Variants in MS4A6A observed in about 807,000 individuals in gnomAD.
MS4A6A encodes the protein membrane-spanning 4-domains subfamily A member 6A.
A neutral mutation model predicts 20.6 loss-of-function variants in MS4A6A; 19 were observed. That is an observed-to-expected ratio of 0.92 (90% CI 0.64 to 1.36). The LOEUF is 1.36. Among genes scored for constraint, MS4A6A ranks in the 40% most tolerant of loss-of-function variants. MS4A6A has a pLI of 0.00. For synonymous variants in MS4A6A, 108 were observed against 105.0 expected (o/e 1.03, Z -0.17); for missense variants, 272 against 261.1 (o/e 1.04, Z -0.29).
Position 60,172,703 on chromosome 11 carries a change from T to C in MS4A6A, c.*298A>G. 1 of 1,209,380 alleles carries C rather than the reference T, an allele frequency of 8.3e-7. No homozygotes were observed. 74.9% of individuals were successfully genotyped at this position (1,209,380 alleles called of 1,614,324 possible). On this transcript the variant is annotated 3_prime_UTR_variant, in exon 6 of 6. Coordinates refer to ENST00000528851, the MANE Select transcript of MS4A6A (RefSeq NM_022349.4). ...GGAGGCAAGCCAGGTTCTAGTGTCC[T>C]CAGCAAAGGCACAAACTCATAGCAT...
At chr11:60,183,273 G>C, upstream of MS4A6A, 8 of 1,173,526 alleles carry the variant, frequency 6.8e-6, 1 homozygote, top group Middle Eastern at 1.9e-4. Context: ...TTGCCACTTC[G>C]AGACATACAA....
At position 60,176,455 on chromosome 11, in the gene MS4A6A, A is replaced by G. The variant is rs1856840592; in HGVS notation, c.340-844T>C. Among the ~76,000 whole-genome samples the G allele has an allele frequency of 2.0e-5, 3 of 152,214 alleles. No homozygotes were observed. In the South Asian group the frequency reaches 6.2e-4, roughly 31 times the overall value. On this transcript the variant is annotated intron_variant, in intron 4 of 5. Coordinates refer to ENST00000528851, the MANE Select transcript of MS4A6A (RefSeq NM_022349.4). Reference sequence around the variant, plus strand: ...CATTTATGAAGTGAAGGGAATAGATAAACTAACCTCAGAAGTGACTTCTTT... The same window carrying G: ...CATTTATGAAGTGAAGGGAATAGATGAACTAACCTCAGAAGTGACTTCTTT...
At chr11:60,181,820 T>C in intron 1 of MS4A6A, 79 bp from the exon 2 acceptor site, 1 of 1,407,200 alleles carries the variant, frequency 7.1e-7, no homozygotes, top group East Asian at 2.3e-5. Context: ...TAACTCAGTC[T>C]TTGCCAATTA....
rs558996807 is a variant in MS4A6A, at chr11:60,180,157, C to T, written c.148-192G>A. Reference sequence around the variant, plus strand: ...GGGTGTGCAGCTCTGCCACAGAAGCCACAGTCTCAGGTGTCTGGCAGGTGC... The same window carrying T: ...GGGTGTGCAGCTCTGCCACAGAAGCTACAGTCTCAGGTGTCTGGCAGGTGC... On this transcript the variant is annotated intron_variant, in intron 2 of 5. Coordinates refer to ENST00000528851, the MANE Select transcript of MS4A6A (RefSeq NM_022349.4). 146 of 617,906 alleles carry T rather than the reference C, an allele frequency of 2.4e-4. 3 individuals are homozygous for T. The East Asian group carries it at 3.7e-3, about 16-fold the overall frequency. 38.3% of individuals were successfully genotyped at this position (617,906 alleles called of 1,614,324 possible).
intron 4 of MS4A6A, among the ~76,000 whole-genome samples, chr11:60,176,119 G>A (rs925876361): frequency 3.3e-5 from 5 of 152,208 alleles, no homozygotes; most frequent in Admixed American, 2.0e-4. Flanking sequence ...GCTCACTCTC[G>A]CCTGCCCATT....
chr11:60,172,651 G>A lies in MS4A6A; in HGVS notation c.*350C>T. The A allele has an allele frequency of 8.7e-7, 1 of 1,156,036 alleles. No individual in the cohort carries two copies. The highest frequency in any genetic ancestry group is 2.3e-5 in the South Asian group (1 of 43,736). The allele number at this position is 1,156,036 out of a possible 1,614,324, so 71.6% of individuals were successfully genotyped here. On this transcript the variant is annotated 3_prime_UTR_variant, in exon 6 of 6. Transcript: ENST00000528851. ...AATACTATTAAAGAGACTAGTGGTT[G>A]TGGCAGAAATTGTTTCTGCTTATAA...
chr11:60,178,040 T>C (rs975763678), intron 4 of MS4A6A: 2 of 542,840 alleles, frequency 3.7e-6, no homozygotes, highest in African/African-American at 1.9e-5. Flanking sequence ...GGGAATATTA[T>C]AATCCCCTGA....
Position 60,178,255 on chromosome 11 carries a change from C to T in MS4A6A, c.339+5G>A. The T allele has an allele frequency of 6.2e-7, 1 of 1,610,782 alleles. No individual in the cohort carries two copies. ...TGGGTTGTGGGTTATAGCTCTCTTA[C>T]TCACCAAAAGCTTGGTTAACCTTTT... On this transcript the variant is annotated splice_donor_5th_base_variant and intron_variant, in intron 4 of 5. Transcript: ENST00000528851.
chr11:60,179,936 T>C lies in MS4A6A; in HGVS notation c.177A>G (p.Val59=), dbSNP rs1857045342. ...ATGCCAAAATGATCCCCAAGCTCAA[T>C]ACCATCATGCCACACAAGATCTGGA... is the stretch of plus-strand genomic sequence containing the variant. The part of the protein sequence containing the change: ...GTIQILCGMM[V]LSLGIILASA... The change falls in exon 3 of 6, where the codon GTA becomes GTG. Residue 59 remains valine, a synonymous_variant. Coordinates refer to ENST00000528851, the MANE Select transcript of MS4A6A (RefSeq NM_022349.4). 8 of 1,614,094 alleles carry C rather than the reference T, an allele frequency of 5.0e-6. No homozygotes were observed. The highest frequency in any genetic ancestry group is 5.9e-6 in the Non-Finnish European group (7 of 1,179,990).
chr11:60,175,328 A>G (rs868494247), intron 5 of MS4A6A, 74 bp downstream of exon 5: 3 of 1,280,182 alleles, frequency 2.3e-6, no homozygotes, highest in Middle Eastern at 4.3e-4. Flanking sequence ...GAGATTTTCA[A>G]AAGAAGGAAT....
Position 60,180,071 on chromosome 11 carries a change from C to T in MS4A6A, c.148-106G>A, listed in dbSNP as rs375008083. On this transcript the variant is annotated intron_variant, in intron 2 of 5. Transcript: ENST00000528851. Reference sequence around the variant, plus strand: ...ATGCATTATCGCCTTCTGCAAGATCCTAATGAGGATACAAACCCTGTGGAA... The same window carrying T: ...ATGCATTATCGCCTTCTGCAAGATCTTAATGAGGATACAAACCCTGTGGAA... 1.3e-3 allele frequency: 1,424 copies of T among 1,135,310 alleles called. 29 individuals are homozygous for T. In the South Asian group the frequency reaches 0.021, roughly 17 times the overall value. 70.3% of individuals were successfully genotyped at this position (1,135,310 alleles called of 1,614,324 possible).
rs202077172 is a variant in MS4A6A at position 60,178,290 on chromosome 11, G to T, written c.309C>A (p.Ile103=). The change falls in exon 4 of 6, where the codon ATC becomes ATA. Residue 103 remains isoleucine, a synonymous_variant. Transcript: ENST00000528851. The part of the protein sequence containing the change: ...FFFIISGSLS[I]ATEKRLTKLL... ...GCTTGGTTAACCTTTTCTCTGTGGCGATTGATAGAGAGCCAGAGATGATAA... is the reference window on the plus strand; with the variant it reads ...GCTTGGTTAACCTTTTCTCTGTGGCTATTGATAGAGAGCCAGAGATGATAA... 8 of 1,613,460 alleles carry T rather than the reference G, an allele frequency of 5.0e-6. No homozygotes were observed. The highest frequency in any genetic ancestry group is 6.8e-6 in the Non-Finnish European group (8 of 1,179,542).
chr11:60,175,889 A>G (rs111755064), intron 4 of MS4A6A, among the ~76,000 whole-genome samples: 5 of 152,166 alleles, frequency 3.3e-5, no homozygotes, highest in African/African-American at 1.2e-4. Context: ...CCCAGGACAG[A>G]TAGCAGGGCT....
intron 4 of MS4A6A, among the ~76,000 whole-genome samples, chr11:60,175,960 G>A (rs994811341): frequency 6.6e-6 from 1 of 152,162 alleles, no homozygotes; most frequent in Non-Finnish European, 1.5e-5. Context: ...AGGTGGCAAC[G>A]TACCAGATGC....
At chr11:60,179,988 T>A in intron 2 of MS4A6A, 23 bp from the exon 3 acceptor site, 1 of 1,608,170 alleles carries the variant, frequency 6.2e-7, no homozygotes, top group Non-Finnish European at 8.5e-7. Context: ...AAAGTGAGAT[T>A]GAGGATGAAA....
In MS4A6A at chr11:60,178,197, A is replaced by C. The variant is rs1856944207; in HGVS notation, c.339+63T>G. ...TTTTCAAAGTAGAAAGACTAGCCTTAAAGAGTTCTGTCTAAGTTTTATTTT... is the reference window on the plus strand; with the variant it reads ...TTTTCAAAGTAGAAAGACTAGCCTTCAAGAGTTCTGTCTAAGTTTTATTTT... On this transcript the variant is annotated intron_variant, in intron 4 of 5. Transcript: ENST00000528851. 8.4e-6 allele frequency: 12 copies of C among 1,434,522 alleles called. 2 individuals carry two copies. Among genetic ancestry groups the C allele is most frequent in the Middle Eastern group, 1.8e-4 (1 of 5,698 alleles). The allele number at this position is 1,434,522 out of a possible 1,614,324, so 88.9% of individuals were successfully genotyped here.
At position 60,179,895 on chromosome 11, in the gene MS4A6A, G is replaced by A; in HGVS notation, c.218C>T (p.Pro73Leu). The change falls in exon 3 of 6, where the codon CCA (proline) becomes CTA (leucine). Residue 73 changes from proline (P) to leucine (L), a missense_variant. Pro to Leu is a moderately conservative substitution (Grantham distance 98). Coordinates refer to ENST00000528851, the MANE Select transcript of MS4A6A (RefSeq NM_022349.4). ...GIILASASFS[P>L]NFTQVTSTLL... ...TGTAGAAGTCACTTGGGTAAAATTT[G>A]GAGAGAAGGAAGCAGATGCCAAAAT... 2.5e-6 allele frequency: 4 copies of A among 1,614,022 alleles called. No homozygotes were observed. Among genetic ancestry groups the A allele is most frequent in the Non-Finnish European group, 3.4e-6 (4 of 1,179,976 alleles).
chr11:60,178,700 T>C (rs1856975081), intron 3 of MS4A6A: 1 of 339,048 alleles, frequency 2.9e-6, no homozygotes, highest in Non-Finnish European at 5.7e-6. Context: ...ATCTGGAAAA[T>C]ACTACCCCAA....
intron 1 of MS4A6A, chr11:60,182,521 G>A (rs1288206916): frequency 1.3e-5 from 2 of 152,196 alleles, no homozygotes; most frequent in East Asian, 3.8e-4. Flanking sequence ...CTGTGTCTGA[G>A]TTTACTCAGG....
Sources: allele counts gnomAD v4.1 joint callset (sites outside exome capture counted in the v4.1 genomes callset), GRCh38; gene constraint gnomAD v4.1.1; transcripts MANE v1.5; gene names NCBI Gene and HGNC (gene_info 2026-07-23, HGNC 2026-07-21).